The following LACTBL1 variants were observed in gnomAD, a reference collection of about 807,000 sequenced individuals.
LACTBL1 encodes lactamase beta like 1.
A neutral mutation model predicts 39.6 loss-of-function variants in LACTBL1; 29 were observed. The ratio of observed to expected loss-of-function variants is 0.73; its 90% CI spans 0.55 to 1.00. LACTBL1 has a LOEUF of 1.00. Ranked by LOEUF, LACTBL1 falls within the 50% of genes least tolerant of loss-of-function variation. LACTBL1 has a pLI of 0.00. For synonymous variants in LACTBL1, 361 were observed against 360.7 expected, an observed-to-expected ratio of 1.00 and a Z score of -0.01; for missense variants, 711 against 748.5, an observed-to-expected ratio of 0.95 and a Z score of 0.59.
the LACTBL1 span, chr1:22,972,483 C>T: frequency 3.9e-5 from 38 of 971,382 alleles, 1 homozygote; most frequent in South Asian, 3.8e-4. Context: ...GGAGGGTAGA[C>T]GAGGATGCGG....
chr1:22,967,567 TACACACACAC>T (rs149065665), upstream of LACTBL1, among the ~76,000 whole-genome samples: 1 of 148,402 alleles, frequency 6.7e-6, no homozygotes, highest in Non-Finnish European at 1.5e-5. Flanking sequence ...TCCATATATA[TACACACACAC>T]ACACACACAT....
chr1:22,953,463 G>C, exon 6 of LACTBL1: 1 of 1,227,544 alleles, frequency 8.1e-7, no homozygotes, highest in Non-Finnish European at 1.0e-6. Context: ...GCTCCAGGGC[G>C]GGCAGGAGCT....
chr1:22,963,151 G>A (rs1439698071), exon 2 of LACTBL1: 3 of 1,301,596 alleles, frequency 2.3e-6, no homozygotes, highest in South Asian at 2.6e-5. Flanking sequence ...TGAGCCAGGG[G>A]CACGGGCTCA....
At chr1:22,969,790 G>A (rs926400926), upstream of LACTBL1, among the ~76,000 whole-genome samples, 1 of 152,058 alleles carries the variant, frequency 6.6e-6, no homozygotes, top group Non-Finnish European at 1.5e-5. Flanking sequence ...AGGCAGAGCC[G>A]CTCATGGTAA....
chr1:22,953,593 C>T (rs1337716765), exon 6 of LACTBL1: 34 of 1,257,374 alleles, frequency 2.7e-5, no homozygotes, highest in Non-Finnish European at 3.4e-5. Flanking sequence ...GTCCAGATCG[C>T]CGTCCTTGCG....
At chr1:22,972,322 C>T in the LACTBL1 span, 116 of 985,198 alleles carry the variant, frequency 1.2e-4, no homozygotes, top group African/African-American at 1.9e-3. Flanking sequence ...TTCATTCTCT[C>T]CAAGGCATGG....
chr1:22,964,776 G>C (rs1640860363), intron 1 of LACTBL1, among the ~76,000 whole-genome samples: 1 of 152,206 alleles, frequency 6.6e-6, no homozygotes, highest in South Asian at 2.1e-4. Context: ...TGCTTTAATT[G>C]GCAAACAAAG....
chr1:22,965,168 C>T (rs1163218058), intron 1 of LACTBL1, 122 bp downstream of exon 3: 71 of 863,220 alleles, frequency 8.2e-5, no homozygotes, highest in Non-Finnish European at 1.1e-4. Context: ...GAATGGAGTC[C>T]AGAGCTTCTG....
chr1:22,958,984 G>GC, intron 3 of LACTBL1, 64 bp from the exon 6 acceptor site: 1 of 1,075,028 alleles, frequency 9.3e-7, no homozygotes, highest in South Asian at 1.6e-5. Context: ...CCCACCTCCT[G>GC]CCCCCATCCT....
intron 2 of LACTBL1, among the ~76,000 whole-genome samples, chr1:22,960,658 G>C (rs1640812815): frequency 7.0e-6 from 1 of 142,074 alleles, no homozygotes; most frequent in South Asian, 2.3e-4. Context: ...TACTGCTTTA[G>C]TCAAACCCAT....
chr1:22,967,510 A>G (rs1243451685), upstream of LACTBL1, among the ~76,000 whole-genome samples: 1 of 151,978 alleles, frequency 6.6e-6, no homozygotes, highest in Non-Finnish European at 1.5e-5. Context: ...TTGCACCACT[A>G]CATGCCAGCC....
At chr1:22,967,473 G>A (rs1474748564), upstream of LACTBL1, among the ~76,000 whole-genome samples, 1 of 152,070 alleles carries the variant, frequency 6.6e-6, no homozygotes, top group Non-Finnish European at 1.5e-5. Flanking sequence ...GAACCTGGGA[G>A]GTCGTCGAGG....
the LACTBL1 span, among the ~76,000 whole-genome samples, chr1:22,971,906 A>G: frequency 1.3e-5 from 2 of 152,142 alleles, no homozygotes; most frequent in Admixed American, 6.5e-5. Flanking sequence ...TGGTAGCTAG[A>G]GGTGTAATAA....
At chr1:22,956,229 G>A (rs1640760642) in intron 4 of LACTBL1, among the ~76,000 whole-genome samples, 1 of 151,848 alleles carries the variant, frequency 6.6e-6, no homozygotes, top group Non-Finnish European at 1.5e-5. Flanking sequence ...ATAATTAGCT[G>A]GACTCAGTGG....
intron 5 of LACTBL1, 44 bp from the exon 8 acceptor site, chr1:22,954,068 C>G: frequency 6.8e-7 from 1 of 1,470,314 alleles, no homozygotes; most frequent in Non-Finnish European, 9.0e-7. Context: ...CCTTCCTCAC[C>G]CGCCCGCGCT....
exon 5 of LACTBL1, chr1:22,955,381 C>T: frequency 6.4e-7 from 1 of 1,550,506 alleles, no homozygotes. Context: ...CTCCTGGGTG[C>T]TGCCCTTCCA....
upstream of LACTBL1, among the ~76,000 whole-genome samples, chr1:22,966,028 G>A (rs1640873132): frequency 6.6e-6 from 1 of 152,110 alleles, no homozygotes; most frequent in South Asian, 2.1e-4. Context: ...GGTGCTAATG[G>A]CACAATCTTG....
At chr1:22,965,543 G>C, upstream of LACTBL1, 5 of 378,890 alleles carry the variant, frequency 1.3e-5, no homozygotes, top group Non-Finnish European at 1.8e-5. Flanking sequence ...AGAGCCCACA[G>C]CTTTGGATAA....
intron 1 of LACTBL1, among the ~76,000 whole-genome samples, chr1:22,963,625 C>T (rs1312490850): frequency 6.6e-6 from 1 of 152,186 alleles, no homozygotes; most frequent in Non-Finnish European, 1.5e-5. Context: ...TAAACCACAG[C>T]GACAACTCAT....
Sources: gnomAD v4.1 joint callset for allele counts (sites outside exome capture counted in the v4.1 genomes callset) on GRCh38, gnomAD v4.1.1 for gene constraint, MANE v1.5 for transcripts, NCBI Gene and HGNC (gene_info 2026-07-23, HGNC 2026-07-21) for gene names.